The following PTH2R variants were observed in gnomAD, a reference collection of about 807,000 sequenced individuals.
The protein encoded by PTH2R is PTH2 receptor.
PTH2R carries 59 observed loss-of-function variants against 60.3 expected under a neutral mutation model. The ratio of observed to expected loss-of-function variants is 0.98; its 90% CI spans 0.79 to 1.22. The LOEUF is 1.22. PTH2R is among the 50% of genes most tolerant of loss of function. The pLI is 0.00. For missense variants in PTH2R, 749 were observed against 682.6 expected (o/e 1.10, Z -1.08); for synonymous variants, 256 against 243.8 (o/e 1.05, Z -0.47).
intron 4 of PTH2R, among the ~76,000 whole-genome samples, chr2:208,438,733 G>A (rs770238634): frequency 1.3e-5 from 2 of 152,080 alleles, no homozygotes; most frequent in African/African-American, 2.4e-5. Context: ...TAAACTCTTC[G>A]AATTTTTGAC....
At chr2:208,491,118 G>C (rs1703395634) in intron 12 of PTH2R, among the ~76,000 whole-genome samples, 1 of 152,186 alleles carries the variant, frequency 6.6e-6, no homozygotes, top group African/African-American at 2.4e-5. Context: ...CTGGAGAGAA[G>C]TAACTACACT....
chr2:208,405,395 G>T (rs531679876), upstream of PTH2R, among the ~76,000 whole-genome samples: 5 of 151,968 alleles, frequency 3.3e-5, no homozygotes, highest in Non-Finnish European at 5.9e-5. Flanking sequence ...AAAACCCTCC[G>T]CACTGATCAA....
chr2:208,463,996 C>T (rs1702685826), intron 9 of PTH2R, among the ~76,000 whole-genome samples: 1 of 152,236 alleles, frequency 6.6e-6, no homozygotes, highest in African/African-American at 2.4e-5. Flanking sequence ...ATAACGTTAT[C>T]TACCCAAAAT....
At chr2:208,423,658 AGTT>A (rs1028596718) in intron 1 of PTH2R, among the ~76,000 whole-genome samples, 1 of 152,150 alleles carries the variant, frequency 6.6e-6, no homozygotes, top group African/African-American at 2.4e-5. Context: ...TTTTCTGTCT[AGTT>A]GTTCTATCAA....
At chr2:208,422,996 T>G (rs1039746735) in intron 1 of PTH2R, among the ~76,000 whole-genome samples, 1 of 152,178 alleles carries the variant, frequency 6.6e-6, no homozygotes, top group Admixed American at 6.6e-5. Context: ...CTTGGTTGGC[T>G]TTCTAGAAGC....
rs533862955 is a variant in PTH2R at position 208,484,483 on chromosome 2, G to T, written c.1076+3319G>T. ...ATCATTTACCCTAAAACAAAATTGT[G>T]TGAATAAAATTCAGTCATCTATTAG... is the stretch of plus-strand genomic sequence containing the variant. On this transcript the variant is annotated intron_variant, in intron 10 of 12. Coordinates refer to ENST00000272847, the MANE Select transcript of PTH2R (RefSeq NM_005048.4). Among the ~76,000 whole-genome samples, 4 of 152,234 alleles carry T rather than the reference G, an allele frequency of 2.6e-5. No homozygotes were observed. The South Asian group carries it at 8.3e-4, about 32-fold the overall frequency.
intron 1 of PTH2R, among the ~76,000 whole-genome samples, chr2:208,422,907 C>T (rs1441724547): frequency 2.0e-5 from 3 of 152,148 alleles, no homozygotes; most frequent in African/African-American, 7.2e-5. Context: ...TTCCTTTGCA[C>T]TTCCCACTCC....
chr2:208,401,486 C>T (rs537855183), intron 1 of PTH2R, among the ~76,000 whole-genome samples: 107 of 151,982 alleles, frequency 7.0e-4, no homozygotes, highest in African/African-American at 2.5e-3. Flanking sequence ...CCTTCCAAAC[C>T]GCTCAGTGAT....
In PTH2R at chr2:208,493,264, G is replaced by C; in HGVS notation, c.1258G>C (p.Val420Leu). 1 of 1,500,460 alleles carries C rather than the reference G, an allele frequency of 6.7e-7. No individual in the cohort carries two copies. The highest frequency in any genetic ancestry group is 8.9e-7 in the Non-Finnish European group (1 of 1,122,720). The allele number at this position is 1,500,460 out of a possible 1,614,324, so 92.9% of individuals were successfully genotyped here. A position where few individuals can be genotyped will look rare whatever the true frequency, so the allele number is the denominator to read the frequency against. Residue 420 changes from valine to leucine, a missense_variant and splice_region_variant, in exon 13 of 13, where the codon GTT (valine) becomes CTT (leucine). Physicochemically the swap from Val to Leu is conservative, Grantham distance 32 (BLOSUM62 1). Transcript: ENST00000272847. ...GCACAGCATGTTTCTCGTGGCTTAG[G>C]TTCAGGCAGAGGTGAAGAAGATGTG... is the stretch of plus-strand genomic sequence containing the variant. ...SIIYCYCNGEVQAEVKKMWSR... is the reference protein window; with the variant it reads ...SIIYCYCNGELQAEVKKMWSR...
intron 4 of PTH2R, among the ~76,000 whole-genome samples, chr2:208,440,203 G>C (rs1232591750): frequency 1.3e-5 from 2 of 152,156 alleles, no homozygotes; most frequent in African/African-American, 2.4e-5. Context: ...TACTTGGGAG[G>C]CTGGGGTGGG....
At chr2:208,397,311 A>G (rs971205899) in intron 1 of PTH2R, among the ~76,000 whole-genome samples, 6 of 152,166 alleles carry the variant, frequency 3.9e-5, no homozygotes, top group African/African-American at 1.4e-4. Flanking sequence ...TAATTAAAAA[A>G]AAAAAGAGGC....
At chr2:208,474,605 T>C (rs1319487322) in intron 9 of PTH2R, among the ~76,000 whole-genome samples, 2 of 152,220 alleles carry the variant, frequency 1.3e-5, no homozygotes, top group Admixed American at 6.5e-5. Flanking sequence ...GAAGGAACAA[T>C]GCATCTGCAG....
chr2:208,362,241 C>T (rs759039377), intron 1 of PTH2R, among the ~76,000 whole-genome samples: 2 of 152,306 alleles, frequency 1.3e-5, no homozygotes, highest in South Asian at 2.1e-4. Flanking sequence ...AATTGAATTA[C>T]AGCATGAACT....
At chr2:208,491,024 C>T (rs911611385) in intron 12 of PTH2R, among the ~76,000 whole-genome samples, 1 of 152,060 alleles carries the variant, frequency 6.6e-6, no homozygotes, top group African/African-American at 2.4e-5. Context: ...TATTAGTTTC[C>T]CTGGGACAAA....
Position 208,408,766 on chromosome 2 carries a change from A to AGAGAGAGAGAG in PTH2R, c.75+1648_75+1649insGAGAGAGAGAG, listed in dbSNP as rs58836876. On this transcript the variant is annotated intron_variant, in intron 1 of 12. Transcript: ENST00000272847. ...AGAGAGAGAGAGAGAGAGAGAGAGA[A>AGAGAGAGAGAG]ATAAATAATAAATAAATCACCATGG... is the stretch of plus-strand genomic sequence containing the variant. Among the ~76,000 whole-genome samples the AGAGAGAGAGAG allele has an allele frequency of 1.4e-3, 153 of 109,556 alleles. 1 individual carries two copies. The highest frequency in any genetic ancestry group is 6.6e-3 in the African/African-American group (140 of 21,178). 71.9% of individuals were successfully genotyped at this position (109,556 alleles called of 152,430 possible).
chr2:208,408,603 T>C (rs564814722), intron 1 of PTH2R, among the ~76,000 whole-genome samples: 780 of 151,908 alleles, frequency 5.1e-3, no homozygotes, highest in Non-Finnish European at 7.1e-3. Flanking sequence ...GGAGGATCTC[T>C]TGAGCCCAGG....
rs535954982 is a variant in PTH2R, at chr2:208,428,222, A to G, written c.97A>G (p.Thr33Ala). 1.7e-5 allele frequency: 27 copies of G among 1,612,432 alleles called. No individual in the cohort carries two copies. The highest frequency in any genetic ancestry group is 4.0e-5 in the African/African-American group (3 of 74,898). ...ACAGCTGGATTCTGATGGCACCATTACTATAGAGGAGCAGATTGTCCTTGT... is the reference window on the plus strand; with the variant it reads ...ACAGCTGGATTCTGATGGCACCATTGCTATAGAGGAGCAGATTGTCCTTGT... ...RAQLDSDGTITIEEQIVLVLK... is the reference protein window; with the variant it reads ...RAQLDSDGTIAIEEQIVLVLK... Residue 33 changes from threonine to alanine, a missense_variant, in exon 2 of 13, where the codon ACT (threonine) becomes GCT (alanine). Thr to Ala is a moderately conservative substitution (Grantham distance 58). Coordinates refer to ENST00000272847, the MANE Select transcript of PTH2R (RefSeq NM_005048.4).
intron 11 of PTH2R, 59 bp downstream of exon 11, chr2:208,489,209 T>C: frequency 6.2e-7 from 1 of 1,605,686 alleles, no homozygotes; most frequent in South Asian, 1.1e-5. Flanking sequence ...TTCCTTTTGG[T>C]CACTTACAAC....
At chr2:208,395,780 T>G (rs564788038) in intron 1 of PTH2R, among the ~76,000 whole-genome samples, 1 of 152,156 alleles carries the variant, frequency 6.6e-6, no homozygotes, top group Non-Finnish European at 1.5e-5. Flanking sequence ...AAGCTACCAA[T>G]GACTTTCTTC....
Sources: allele counts gnomAD v4.1 joint callset (sites outside exome capture counted in the v4.1 genomes callset), GRCh38; gene constraint gnomAD v4.1.1; transcripts MANE v1.5; gene names NCBI Gene and HGNC (gene_info 2026-07-23, HGNC 2026-07-21).